CABCOCO1: variants seen among roughly 807,000 people sequenced by gnomAD.
CABCOCO1 encodes ciliary associated calcium binding coiled-coil 1.
In CABCOCO1, 28 loss-of-function variants were observed where a neutral mutation model predicts 35.7. The observed-to-expected ratio is 0.78, with a 90% CI of 0.58 to 1.07. CABCOCO1 has a LOEUF of 1.07. Among genes scored for constraint, CABCOCO1 ranks in the 50% least tolerant of loss-of-function variants. The pLI, the probability that CABCOCO1 is intolerant of heterozygous loss-of-function variation, is 0.00. For synonymous variants in CABCOCO1, 95 were observed against 100.1 expected, an observed-to-expected ratio of 0.95 and a Z score of 0.30; for missense variants, 326 against 309.2, an observed-to-expected ratio of 1.05 and a Z score of -0.41.
At position 61,690,628 on chromosome 10, in the gene CABCOCO1, A is replaced by C. The variant is rs866565042; in HGVS notation, c.552+7A>C. 1.5e-5 allele frequency: 23 copies of C among 1,564,622 alleles called. 1 individual carries two copies. In the Middle Eastern group the frequency reaches 3.9e-3, roughly 263 times the overall value. On this transcript the variant is annotated splice_region_variant and intron_variant, in intron 5 of 7. Transcript: ENST00000648843. ...AATTGTGATAGGAACTGAGGTAAGT[A>C]ATTTATCTAGATGGAACAAGTTAAG...
At chr10:61,689,518 C>G (rs914622149) in intron 4 of CABCOCO1, among the ~76,000 whole-genome samples, 1 of 152,132 alleles carries the variant, frequency 6.6e-6, no homozygotes, top group Non-Finnish European at 1.5e-5. Flanking sequence ...CAGAGAGACT[C>G]AGCTGCCGGA....
Position 61,757,104 on chromosome 10 carries a change from T to TA in CABCOCO1, c.553-2944dup, listed in dbSNP as rs71468946. Among the ~76,000 whole-genome samples, 332 of 147,020 alleles carry TA rather than the reference T, an allele frequency of 2.3e-3. 1 individual carries two copies. The highest frequency in any genetic ancestry group is 6.6e-3 in the African/African-American group (265 of 40,322). ...GATGTTGTAAAACATGAGGTTTTGT[T>TA]AAAAAAAAAAATACAAAGGCCTAAT... is the stretch of plus-strand genomic sequence containing the variant. On this transcript the variant is annotated intron_variant, in intron 5 of 7. Coordinates refer to ENST00000648843, the MANE Select transcript of CABCOCO1 (RefSeq NM_001366906.2).
intron 2 of CABCOCO1, among the ~76,000 whole-genome samples, chr10:61,674,458 T>A (rs566368028): frequency 7.3e-4 from 111 of 152,318 alleles, no homozygotes; most frequent in African/African-American, 2.4e-3. Flanking sequence ...CATTTCTTTG[T>A]AAAACAATTT....
intron 5 of CABCOCO1, among the ~76,000 whole-genome samples, chr10:61,699,582 C>A (rs1369308051): frequency 6.6e-6 from 1 of 152,032 alleles, no homozygotes; most frequent in Non-Finnish European, 1.5e-5. Flanking sequence ...CTGAAAAGTT[C>A]TCTAACATTT....
At chr10:61,690,483 CTT>C in intron 4 of CABCOCO1, 64 bp from the exon 5 acceptor site, 1 of 1,075,612 alleles carries the variant, frequency 9.3e-7, no homozygotes, top group South Asian at 1.4e-5. Context: ...TAATAAATGT[CTT>C]TACATATTGT....
At chr10:61,685,998 T>G (rs761660716) in intron 3 of CABCOCO1, 43 bp from the exon 4 acceptor site, 5 of 1,518,322 alleles carry the variant, frequency 3.3e-6, no homozygotes, top group Non-Finnish European at 4.5e-6. Flanking sequence ...TCTGAAAACA[T>G]CTATCAAAAT....
intron 5 of CABCOCO1, among the ~76,000 whole-genome samples, chr10:61,723,433 A>G (rs1014390031): frequency 6.6e-6 from 1 of 152,248 alleles, no homozygotes; most frequent in Non-Finnish European, 1.5e-5. Context: ...GTCCTACATT[A>G]TTTAACATTT....
At chr10:61,671,105 T>A (rs1589108868) in intron 1 of CABCOCO1, among the ~76,000 whole-genome samples, 1 of 152,086 alleles carries the variant, frequency 6.6e-6, no homozygotes, top group Non-Finnish European at 1.5e-5. Context: ...GGCGGGCAGG[T>A]CACGAGGTCA....
chr10:61,729,169 C>CAA (rs1277175418), intron 5 of CABCOCO1, among the ~76,000 whole-genome samples: 1 of 152,102 alleles, frequency 6.6e-6, no homozygotes, highest in Non-Finnish European at 1.5e-5. Flanking sequence ...AGGGCCAGAA[C>CAA]AATACCTCAT....
At chr10:61,728,725 C>A (rs575202171) in intron 5 of CABCOCO1, among the ~76,000 whole-genome samples, 4 of 152,268 alleles carry the variant, frequency 2.6e-5, no homozygotes, top group African/African-American at 9.6e-5. Flanking sequence ...CAGAAGGAGA[C>A]TAGCGAGATG....
intron 5 of CABCOCO1, among the ~76,000 whole-genome samples, chr10:61,720,023 A>C (rs1220111330): frequency 2.0e-5 from 3 of 152,058 alleles, no homozygotes; most frequent in Admixed American, 6.5e-5. Flanking sequence ...AGAAAGATTC[A>C]ACATGCATAG....
At chr10:61,709,510 A>C (rs552145913) in intron 5 of CABCOCO1, among the ~76,000 whole-genome samples, 1 of 152,000 alleles carries the variant, frequency 6.6e-6, no homozygotes, top group Non-Finnish European at 1.5e-5. Context: ...TTAAAATTTC[A>C]CAGTAAGTGC....
intron 5 of CABCOCO1, among the ~76,000 whole-genome samples, chr10:61,744,099 A>G (rs1308539095): frequency 2.6e-5 from 4 of 152,160 alleles, no homozygotes; most frequent in African/African-American, 9.7e-5. Context: ...GGTGAAAATG[A>G]TAATATAAAT....
At chr10:61,695,235 G>T (rs928666871) in intron 5 of CABCOCO1, among the ~76,000 whole-genome samples, 2 of 151,432 alleles carry the variant, frequency 1.3e-5, no homozygotes, top group Admixed American at 6.6e-5. Context: ...AAACCAAATG[G>T]ATGTGTTTAA....
chr10:61,703,860 T>C (rs1028616940), intron 5 of CABCOCO1, among the ~76,000 whole-genome samples: 1 of 152,168 alleles, frequency 6.6e-6, no homozygotes, highest in African/African-American at 2.4e-5. Context: ...CCAAAGATGA[T>C]ACATAGGGCA....
intron 5 of CABCOCO1, among the ~76,000 whole-genome samples, chr10:61,711,019 A>G (rs1261638391): frequency 6.6e-6 from 1 of 151,976 alleles, no homozygotes; most frequent in Non-Finnish European, 1.5e-5. Flanking sequence ...ATTAAATACA[A>G]AAGTACTCAA....
chr10:61,763,192 A>T (rs1842043154), intron 7 of CABCOCO1, among the ~76,000 whole-genome samples: 1 of 152,136 alleles, frequency 6.6e-6, no homozygotes, highest in South Asian at 2.1e-4. Flanking sequence ...TTTGCAAAAA[A>T]AAGGCAGTAA....
intron 1 of CABCOCO1, among the ~76,000 whole-genome samples, chr10:61,667,189 A>G (rs900798892): frequency 8.2e-5 from 12 of 146,110 alleles, no homozygotes; most frequent in African/African-American, 3.0e-4. Flanking sequence ...CATATTATAT[A>G]TAAATATAAT....
intron 5 of CABCOCO1, among the ~76,000 whole-genome samples, chr10:61,714,762 G>A (rs955726316): frequency 1.8e-4 from 28 of 151,898 alleles, no homozygotes; most frequent in Non-Finnish European, 3.7e-4. Flanking sequence ...CCTTCATTTC[G>A]TTATTTACCC....
Sources: allele counts gnomAD v4.1 joint callset (sites outside exome capture counted in the v4.1 genomes callset), GRCh38; gene constraint gnomAD v4.1.1; transcripts MANE v1.5; gene names NCBI Gene and HGNC (gene_info 2026-07-23, HGNC 2026-07-21).